Variants in RNF43 observed in about 807,000 individuals in gnomAD.
The protein encoded by RNF43 is ring finger protein 43, also known as E3 ubiquitin-protein ligase RNF43.
A neutral mutation model predicts 78.4 loss-of-function variants in RNF43; 37 were observed. The observed-to-expected ratio is 0.47, with a 90% CI of 0.36 to 0.62. The LOEUF is 0.62. Among genes scored for constraint, RNF43 ranks in the 20% least tolerant of loss-of-function variants. The pLI, the probability that RNF43 is intolerant of heterozygous loss-of-function variation, is 0.00. For missense variants in RNF43, 774 were observed against 1,007.9 expected, an observed-to-expected ratio of 0.77 and a Z score of 3.14; for synonymous variants, 347 against 395.0, an observed-to-expected ratio of 0.88 and a Z score of 1.44.
chr17:58,380,836 C>T (rs909964562), intron 2 of RNF43, among the ~76,000 whole-genome samples: 2 of 152,328 alleles, frequency 1.3e-5, no homozygotes, highest in Admixed American at 6.5e-5. Context: ...TGCTCAGAGG[C>T]TGTAGGGATT....
chr17:58,365,932 G>T (rs553778381), intron 3 of RNF43, among the ~76,000 whole-genome samples: 1 of 152,160 alleles, frequency 6.6e-6, no homozygotes, highest in Non-Finnish European at 1.5e-5. Flanking sequence ...ATGAGAGTGA[G>T]TTGCAATTCT....
rs2143703338 is a variant in RNF43 at position 58,417,051 on chromosome 17, G to A, written c.-420C>T. The A allele has an allele frequency of 6.6e-6, 1 of 152,246 alleles. No individual in the cohort carries two copies. Among genetic ancestry groups the A allele is most frequent in the South Asian group, 2.1e-4 (1 of 4,820 alleles). 9.4% of individuals were successfully genotyped at this position (152,246 alleles called of 1,614,324 possible). A position where few individuals can be genotyped will look rare whatever the true frequency, so the allele number is the denominator to read the frequency against. On this transcript the variant is annotated 5_prime_UTR_variant, in exon 1 of 10. Transcript: ENST00000407977. ...TGTCGGGCCCACTGGAATCCACGGG[G>A]GTGAAACAAATTCAATTATGCTTTT...
chr17:58,382,613 C>T (rs1053379997), intron 2 of RNF43, among the ~76,000 whole-genome samples: 1 of 152,186 alleles, frequency 6.6e-6, no homozygotes, highest in Non-Finnish European at 1.5e-5. Flanking sequence ...TAACCCATCC[C>T]GTTATGCTTT....
At chr17:58,373,808 TC>T (rs1973150143) in intron 2 of RNF43, among the ~76,000 whole-genome samples, 1 of 152,124 alleles carries the variant, frequency 6.6e-6, no homozygotes, top group Admixed American at 6.5e-5. Context: ...CATCTCCATC[TC>T]CCCACTACCC....
intron 3 of RNF43, 137 bp downstream of exon 3, chr17:58,370,774 C>T: frequency 2.0e-6 from 2 of 980,934 alleles, no homozygotes; most frequent in Non-Finnish European, 2.8e-6. Context: ...TCTCTCAGAC[C>T]AGTCATGGGT....
chr17:58,380,715 G>A (rs1973294986), intron 2 of RNF43, among the ~76,000 whole-genome samples: 1 of 152,220 alleles, frequency 6.6e-6, no homozygotes, highest in Non-Finnish European at 1.5e-5. Context: ...TGGACTACCG[G>A]CAGAGCTACT....
intron 2 of RNF43, among the ~76,000 whole-genome samples, chr17:58,375,255 C>T (rs1215102723): frequency 6.6e-6 from 1 of 152,124 alleles, no homozygotes; most frequent in African/African-American, 2.4e-5. Context: ...TCTTACAAGG[C>T]TCCTCATAGC....
chr17:58,394,631 T>G (rs1037849106), intron 2 of RNF43, among the ~76,000 whole-genome samples: 7 of 152,144 alleles, frequency 4.6e-5, no homozygotes, highest in Non-Finnish European at 8.8e-5. Context: ...TAAAAGAGGT[T>G]AACAGACAAG....
chr17:58,365,404 G>A (rs1972928393), intron 3 of RNF43, among the ~76,000 whole-genome samples: 1 of 152,292 alleles, frequency 6.6e-6, no homozygotes, highest in East Asian at 1.9e-4. Flanking sequence ...GGAAGAGCAT[G>A]AGGAAGGGCA....
chr17:58,410,937 A>T (rs1338020724), intron 2 of RNF43, among the ~76,000 whole-genome samples: 1 of 152,200 alleles, frequency 6.6e-6, no homozygotes, highest in African/African-American at 2.4e-5. Context: ...CATCTGTGGC[A>T]TTCTTACATA....
intron 2 of RNF43, among the ~76,000 whole-genome samples, chr17:58,373,911 G>A (rs1022000224): frequency 2.6e-5 from 4 of 152,080 alleles, no homozygotes; most frequent in Admixed American, 6.6e-5. Context: ...CTCCATTGTC[G>A]GAGCCATGGA....
chr17:58,405,268 G>A (rs1032099434), intron 2 of RNF43, among the ~76,000 whole-genome samples: 17 of 151,302 alleles, frequency 1.1e-4, no homozygotes, highest in African/African-American at 3.4e-4. Flanking sequence ...TAGTAGAGAC[G>A]GGGTTTCACC....
At chr17:58,412,822 G>GT (rs573724897) in intron 2 of RNF43, among the ~76,000 whole-genome samples, 168 of 144,444 alleles carry the variant, frequency 1.2e-3, no homozygotes, top group Admixed American at 1.3e-3. Context: ...TAACAACATG[G>GT]TTTTTTTTTT....
At chr17:58,397,969 T>G (rs1223523799) in intron 2 of RNF43, among the ~76,000 whole-genome samples, 1 of 152,234 alleles carries the variant, frequency 6.6e-6, no homozygotes, top group African/African-American at 2.4e-5. Flanking sequence ...CAACTTTGTA[T>G]CAGCCCACTC....
intron 2 of RNF43, among the ~76,000 whole-genome samples, chr17:58,386,640 CACATTCTCTT>C (rs1307879070): frequency 6.6e-6 from 1 of 152,186 alleles, no homozygotes; most frequent in African/African-American, 2.4e-5. Flanking sequence ...ACTATTCTCT[CACATTCTCTT>C]GGAATGCCTA....
At chr17:58,397,479 G>A (rs907362101) in intron 2 of RNF43, among the ~76,000 whole-genome samples, 1 of 152,040 alleles carries the variant, frequency 6.6e-6, no homozygotes, top group African/African-American at 2.4e-5. Flanking sequence ...AGGCCAACAT[G>A]GTGAAACCCT....
At position 58,354,264 on chromosome 17, in the gene RNF43, T is replaced by C. The variant is rs749219521; in HGVS notation, c.*679A>G. ...AAATCTTCAAGGAGGAGTTTTTCCC[T>C]CCCCACTATTCTTATTCTCAACCCC... is the stretch of plus-strand genomic sequence containing the variant. On this transcript the variant is annotated 3_prime_UTR_variant, in exon 10 of 10. Transcript: ENST00000407977. The C allele has an allele frequency of 5.4e-5, 11 of 201,890 alleles. No homozygotes were observed. Among genetic ancestry groups the C allele is most frequent in the Non-Finnish European group, 7.1e-5 (7 of 98,286 alleles). The allele number at this position is 201,890 out of a possible 1,614,324, so 12.5% of individuals were successfully genotyped here. A position where few individuals can be genotyped will look rare whatever the true frequency, so the allele number is the denominator to read the frequency against.
At chr17:58,379,701 T>G (rs989028440) in intron 2 of RNF43, among the ~76,000 whole-genome samples, 1 of 152,072 alleles carries the variant, frequency 6.6e-6, no homozygotes, top group Non-Finnish European at 1.5e-5. Flanking sequence ...AGGTCAGGAG[T>G]GCACTCGTAA....
intron 2 of RNF43, among the ~76,000 whole-genome samples, chr17:58,374,979 C>T (rs765738456): frequency 1.3e-5 from 2 of 152,150 alleles, no homozygotes; most frequent in Non-Finnish European, 2.9e-5. Flanking sequence ...TGCTGTCCTC[C>T]TAGCCTCCAT....
Sources: gnomAD v4.1 joint callset for allele counts (sites outside exome capture counted in the v4.1 genomes callset) on GRCh38, gnomAD v4.1.1 for gene constraint, MANE v1.5 for transcripts, NCBI Gene and HGNC (gene_info 2026-07-23, HGNC 2026-07-21) for gene names.